The following CLEC16A variants were observed in gnomAD, a reference collection of about 807,000 sequenced individuals.
CLEC16A encodes protein CLEC16A.
CLEC16A carries 51 observed loss-of-function variants against 109.5 expected under a neutral mutation model. That is an observed-to-expected ratio of 0.47 (90% CI 0.37 to 0.59). CLEC16A has a LOEUF of 0.59. CLEC16A is among the 20% of genes least tolerant of loss of function. The pLI is 0.00. For missense variants in CLEC16A, 1,339 were observed against 1,394.0 expected (o/e 0.96, Z 0.63); for synonymous variants, 673 against 564.2 (o/e 1.19, Z -2.73).
At chr16:11,026,945 A>G (rs1290184784) in intron 13 of CLEC16A, 7 of 1,223,274 alleles carry the variant, frequency 5.7e-6, no homozygotes, top group Non-Finnish European at 6.0e-6. Flanking sequence ...AGACGTCTCT[A>G]TGGTCAAGTA....
rs1272436033 is a variant in CLEC16A, at chr16:11,179,134, ATT to A, written c.*446_*447del. ...AGATAAACATCTCCTTTGGATATTT[ATT>A]TCCGCTTTTGGCAGCAGGTGAACAT... On this transcript the variant is annotated 3_prime_UTR_variant, in exon 24 of 24. Transcript: ENST00000409790. The A allele has an allele frequency of 1.2e-5, 2 of 163,044 alleles. No individual in the cohort carries two copies. The highest frequency in any genetic ancestry group is 3.5e-4 in the East Asian group (2 of 5,676). The allele number at this position is 163,044 out of a possible 1,614,324, so 10.1% of individuals were successfully genotyped here.
chr16:10,965,288 G>T (rs760911809), intron 3 of CLEC16A, among the ~76,000 whole-genome samples: 39 of 152,354 alleles, frequency 2.6e-4, no homozygotes, highest in Admixed American at 1.2e-3. Flanking sequence ...ACTTGGATTT[G>T]TAAGGGGTGA....
intron 19 of CLEC16A, among the ~76,000 whole-genome samples, chr16:11,098,319 C>T (rs1238958742): frequency 6.6e-6 from 1 of 152,234 alleles, no homozygotes. Context: ...ACTGAGAATG[C>T]GTGCCTGTGC....
At chr16:11,146,823 TCTGTGTGCTAAA>T (rs2054079497) in intron 22 of CLEC16A, among the ~76,000 whole-genome samples, 1 of 152,112 alleles carries the variant, frequency 6.6e-6, no homozygotes, top group African/African-American at 2.4e-5. Flanking sequence ...AATCCCCCCT[TCTGTGTGCTAAA>T]CATTGTTCAC....
At chr16:11,071,377 G>T (rs951468606) in intron 19 of CLEC16A, among the ~76,000 whole-genome samples, 2 of 152,124 alleles carry the variant, frequency 1.3e-5, no homozygotes, top group African/African-American at 2.4e-5. Flanking sequence ...GCCGACCTGA[G>T]TTTTTCAAGA....
chr16:11,044,144 A>G (rs1033343430), intron 16 of CLEC16A, 72 bp downstream of exon 16: 1 of 1,344,564 alleles, frequency 7.4e-7, no homozygotes, highest in Non-Finnish European at 1.0e-6. Flanking sequence ...GTCTGGTTCT[A>G]TGCAGATAAA....
At chr16:11,028,533 C>T (rs138381596) in intron 13 of CLEC16A, among the ~76,000 whole-genome samples, 31 of 148,196 alleles carry the variant, frequency 2.1e-4, no homozygotes, top group Admixed American at 2.1e-3. Flanking sequence ...GTTCACTTGT[C>T]TCTGCTGTGG....
At chr16:11,021,414 G>A (rs2046090018) in intron 12 of CLEC16A, among the ~76,000 whole-genome samples, 1 of 152,174 alleles carries the variant, frequency 6.6e-6, no homozygotes, top group South Asian at 2.1e-4. Flanking sequence ...GACAACCTTG[G>A]CACAGCATTC....
At position 10,971,008 on chromosome 16, in the gene CLEC16A, A is replaced by ATTTTTTTT. The variant is rs35498388; in HGVS notation, c.493-107_493-100dup. On this transcript the variant is annotated intron_variant, in intron 4 of 23. Coordinates refer to ENST00000409790, the MANE Select transcript of CLEC16A (RefSeq NM_015226.3). ...CTGACTTACGGTTCACATTGGCAACATTTTTTTTTTTTTTTTTGTCTTTTT... is the reference window on the plus strand; with the variant it reads ...CTGACTTACGGTTCACATTGGCAACATTTTTTTTTTTTTTTTTTTTTTTTTGTCTTTTT... The ATTTTTTTT allele has an allele frequency of 1.4e-5, 7 of 506,952 alleles. 1 individual carries two copies. The highest frequency in any genetic ancestry group is 1.7e-5 in the Non-Finnish European group (5 of 286,638). 31.4% of individuals were successfully genotyped at this position (506,952 alleles called of 1,614,324 possible).
intron 19 of CLEC16A, among the ~76,000 whole-genome samples, chr16:11,104,070 C>G (rs2051078163): frequency 6.6e-6 from 1 of 152,182 alleles, no homozygotes; most frequent in Admixed American, 6.5e-5. Flanking sequence ...GATGCCTTCT[C>G]TAGCAGTGTT....
At chr16:11,122,967 G>A (rs1022012045) in intron 20 of CLEC16A, among the ~76,000 whole-genome samples, 32 of 129,858 alleles carry the variant, frequency 2.5e-4, no homozygotes, top group Admixed American at 5.5e-4. Context: ...GCAGTGGTTC[G>A]ATCTCGGCTC....
At chr16:11,153,982 G>T (rs1350457080) in intron 22 of CLEC16A, among the ~76,000 whole-genome samples, 2 of 152,128 alleles carry the variant, frequency 1.3e-5, no homozygotes, top group Non-Finnish European at 1.5e-5. Context: ...CTCCCCATAA[G>T]TGCCAACCTT....
intron 23 of CLEC16A, among the ~76,000 whole-genome samples, chr16:11,172,662 G>C (rs1331009999): frequency 6.6e-6 from 1 of 152,146 alleles, no homozygotes; most frequent in African/African-American, 2.4e-5. Context: ...GCTGAGGCGG[G>C]TGGATCATGT....
chr16:11,138,588 T>C (rs749440135), intron 22 of CLEC16A, among the ~76,000 whole-genome samples: 2 of 152,216 alleles, frequency 1.3e-5, no homozygotes, highest in Non-Finnish European at 2.9e-5. Context: ...CGTCAGGTGA[T>C]GCCCGTGGGC....
At position 11,178,328 on chromosome 16, in the gene CLEC16A, A is replaced by G; in HGVS notation, c.2807-7A>G. The G allele has an allele frequency of 6.3e-7, 1 of 1,598,726 alleles. No homozygotes were observed. Among genetic ancestry groups the G allele is most frequent in the Non-Finnish European group, 8.6e-7 (1 of 1,168,914 alleles). On this transcript the variant is annotated splice_polypyrimidine_tract_variant and splice_region_variant and intron_variant, in intron 23 of 23. Transcript: ENST00000409790. This position sits in a 1 kb window ranked among gnomAD's most constrained non-coding sequence, Gnocchi z 6.5. Reference sequence around the variant, plus strand: ...AGTGTGTTTCCGGTTTTTCTCCCCCAATCCAGATGCCCCCATGAGTCCAGA... The same window carrying G: ...AGTGTGTTTCCGGTTTTTCTCCCCCGATCCAGATGCCCCCATGAGTCCAGA...
chr16:11,133,848 G>A (rs1412027697), intron 22 of CLEC16A, among the ~76,000 whole-genome samples: 2 of 152,110 alleles, frequency 1.3e-5, no homozygotes, highest in Admixed American at 6.5e-5. Flanking sequence ...TCTCCAGCCC[G>A]GTCTTAACCC....
chr16:11,117,947 T>C (rs990446158), intron 19 of CLEC16A, among the ~76,000 whole-genome samples: 1 of 152,114 alleles, frequency 6.6e-6, no homozygotes, highest in Admixed American at 6.5e-5. Flanking sequence ...AAATTAGACA[T>C]TGAATTTGGG....
intron 17 of CLEC16A, among the ~76,000 whole-genome samples, 192 bp from the exon 18 acceptor site, chr16:11,051,321 A>G (rs1245085856): frequency 6.6e-6 from 1 of 152,226 alleles, no homozygotes; most frequent in Non-Finnish European, 1.5e-5. Context: ...TGCAATTTAG[A>G]AAACCAAAAG....
intron 19 of CLEC16A, among the ~76,000 whole-genome samples, chr16:11,094,482 A>C (rs987564870): frequency 4.6e-5 from 7 of 152,190 alleles, no homozygotes; most frequent in Non-Finnish European, 8.8e-5. Flanking sequence ...TGCTCAGAGG[A>C]GGGGCAGCTG....
Sources: gnomAD v4.1 joint callset for allele counts (sites outside exome capture counted in the v4.1 genomes callset) on GRCh38, gnomAD v4.1.1 for gene constraint, Gnocchi (gnomAD v3.1) non-coding constraint, MANE v1.5 for transcripts, NCBI Gene and HGNC (gene_info 2026-07-23, HGNC 2026-07-21) for gene names.